RSL1D1: variants seen among roughly 807,000 people sequenced by gnomAD.
The protein encoded by RSL1D1 is ribosomal L1 domain-containing protein 1.
Under a neutral mutation model 44.6 loss-of-function variants are expected in RSL1D1, and 34 were observed. The ratio of observed to expected loss-of-function variants is 0.76; its 90% CI spans 0.58 to 1.02. The LOEUF is 1.02. Ranked by LOEUF, RSL1D1 falls within the 50% of genes least tolerant of loss-of-function variation. The probability of loss-of-function intolerance (pLI) is 0.00; values close to 1 mark genes in which losing one functional copy is unlikely to be tolerated. For synonymous variants in RSL1D1, 271 were observed against 207.4 expected (o/e 1.31, Z -2.63); for missense variants, 767 against 568.1 (o/e 1.35, Z -3.56).
At position 11,846,694 on chromosome 16, in the gene RSL1D1, C is replaced by T. The variant is rs1390166352; in HGVS notation, c.533+1G>A. 6.2e-7 allele frequency: 1 copy of T among 1,613,750 alleles called. No homozygotes were observed. On this transcript the variant is annotated splice_donor_variant, in intron 4 of 8. Transcript: ENST00000571133. LOFTEE classifies it high-confidence loss of function. ...AGTCCAGTCATTACTAAGAAACTTA[C>T]TTCTTTCTTTGATAGAAATGTCTCC... is the stretch of plus-strand genomic sequence containing the variant.
chr16:11,850,253 A>G (rs1423781309), intron 2 of RSL1D1, 26 bp downstream of exon 2: 7 of 1,556,952 alleles, frequency 4.5e-6, no homozygotes, highest in Non-Finnish European at 6.0e-6. Context: ...AGATAAAAAC[A>G]GCAAAGGTAG....
At chr16:11,844,380 T>C (rs1351399458) in intron 5 of RSL1D1, among the ~76,000 whole-genome samples, 6 of 152,238 alleles carry the variant, frequency 3.9e-5, no homozygotes, top group African/African-American at 1.4e-4. Flanking sequence ...CCTGCCTTCA[T>C]GGTACCATCT....
intron 7 of RSL1D1, among the ~76,000 whole-genome samples, chr16:11,840,532 C>T (rs1249872469): frequency 1.3e-5 from 2 of 152,168 alleles, no homozygotes; most frequent in Non-Finnish European, 2.9e-5. Context: ...CATGCCACTG[C>T]ACTTCAGCCT....
At position 11,836,947 on chromosome 16, in the gene RSL1D1, A is replaced by C. The variant is rs1323700822; in HGVS notation, c.*840T>G. 1 of 152,220 alleles carries C rather than the reference A, an allele frequency of 6.6e-6. No individual in the cohort carries two copies. Among genetic ancestry groups the C allele is most frequent in the Non-Finnish European group, 1.5e-5 (1 of 68,050 alleles). 9.4% of individuals were successfully genotyped at this position (152,220 alleles called of 1,614,324 possible). A position where few individuals can be genotyped will look rare whatever the true frequency, so the allele number is the denominator to read the frequency against. On this transcript the variant is annotated 3_prime_UTR_variant, in exon 9 of 9. Coordinates refer to ENST00000571133, the MANE Select transcript of RSL1D1 (RefSeq NM_015659.3). ...GTCAGACCCACTGATTTGGAAAGCCAACAGTATACTCAGAAGCAAAGCAAT... is the reference window on the plus strand; with the variant it reads ...GTCAGACCCACTGATTTGGAAAGCCCACAGTATACTCAGAAGCAAAGCAAT...
chr16:11,834,261 T>G lies in RSL1D1; in HGVS notation c.*3526A>C. The stretch of plus-strand genomic sequence containing the variant: ...TGGTATAAAAGCGATACATAATCAG[T>G]ACAAACCATATACATACCACCATTT... On this transcript the variant is annotated 3_prime_UTR_variant, in exon 9 of 9. Transcript: ENST00000571133. The G allele has an allele frequency of 6.6e-6, 1 of 152,352 alleles. No individual in the cohort carries two copies. Among genetic ancestry groups the G allele is most frequent in the Middle Eastern group, 3.4e-3 (1 of 294 alleles). 9.4% of individuals were successfully genotyped at this position (152,352 alleles called of 1,614,324 possible).
rs2053706822 is a variant in RSL1D1 at position 11,835,044 on chromosome 16, T to G, written c.*2743A>C. 1 of 152,214 alleles carries G rather than the reference T, an allele frequency of 6.6e-6. No homozygotes were observed. The highest frequency in any genetic ancestry group is 1.5e-5 in the Non-Finnish European group (1 of 68,118). 9.4% of individuals were successfully genotyped at this position (152,214 alleles called of 1,614,324 possible). A position where few individuals can be genotyped will look rare whatever the true frequency, so the allele number is the denominator to read the frequency against. On this transcript the variant is annotated 3_prime_UTR_variant, in exon 9 of 9. Transcript: ENST00000571133. Reference sequence around the variant, plus strand: ...GAAGATCGCCTTGAGCCCAGGAAATTGAGGCTGGAGCTGTGATGACACTAG... The same window carrying G: ...GAAGATCGCCTTGAGCCCAGGAAATGGAGGCTGGAGCTGTGATGACACTAG...
intron 3 of RSL1D1, 71 bp from the exon 4 acceptor site, chr16:11,846,914 C>G: frequency 7.5e-7 from 1 of 1,327,144 alleles, no homozygotes; most frequent in Non-Finnish European, 1.1e-6. Context: ...ACTTAGGCAA[C>G]AATTTGGATT....
At chr16:11,847,979 T>C (rs946737601) in intron 2 of RSL1D1, among the ~76,000 whole-genome samples, 173 bp from the exon 3 acceptor site, 20 of 152,264 alleles carry the variant, frequency 1.3e-4, no homozygotes, top group African/African-American at 4.8e-4. Flanking sequence ...TGGCCGGTAG[T>C]AGTGGCTCAA....
chr16:11,847,630 C>A (rs770906796), intron 3 of RSL1D1, 38 bp downstream of exon 3: 9 of 1,548,624 alleles, frequency 5.8e-6, no homozygotes, highest in African/African-American at 1.4e-5. Flanking sequence ...TGAATTAAAT[C>A]CTCTAAATAA....
chr16:11,838,318 C>A (rs1027624311), intron 8 of RSL1D1, among the ~76,000 whole-genome samples: 1 of 151,960 alleles, frequency 6.6e-6, no homozygotes, highest in East Asian at 1.9e-4. Flanking sequence ...TGTGCCACCA[C>A]GCCCGGCTCA....
chr16:11,848,513 A>G (rs559595409), intron 2 of RSL1D1, among the ~76,000 whole-genome samples: 6 of 152,312 alleles, frequency 3.9e-5, no homozygotes, highest in African/African-American at 1.4e-4. Flanking sequence ...CTCCATAAAC[A>G]TAATAACTCT....
chr16:11,845,211 T>C (rs1272589207), intron 5 of RSL1D1, among the ~76,000 whole-genome samples: 1 of 152,116 alleles, frequency 6.6e-6, no homozygotes, highest in Non-Finnish European at 1.5e-5. Flanking sequence ...TCAACACTTT[T>C]GGAGGCCAGG....
chr16:11,837,284 A>G lies in RSL1D1; in HGVS notation c.*503T>C, dbSNP rs1164066763. ...AGCACTCTATTTTTCCCTCTATTAC[A>G]TTAGCAAATACACAGAAGGACAATT... On this transcript the variant is annotated 3_prime_UTR_variant, in exon 9 of 9. Transcript: ENST00000571133. 2 of 152,716 alleles carry G rather than the reference A, an allele frequency of 1.3e-5. No individual in the cohort carries two copies. The highest frequency in any genetic ancestry group is 2.5e-5 in the African/African-American group (1 of 40,742). The allele number at this position is 152,716 out of a possible 1,614,324, so 9.5% of individuals were successfully genotyped here.
At chr16:11,841,576 C>A in intron 7 of RSL1D1, 119 bp downstream of exon 7, 1 of 914,804 alleles carries the variant, frequency 1.1e-6, no homozygotes. Flanking sequence ...AAAAGCACAA[C>A]CACCACAAAA....
intron 7 of RSL1D1, 117 bp downstream of exon 7, chr16:11,841,578 A>G: frequency 1.1e-6 from 1 of 935,838 alleles, no homozygotes; most frequent in Admixed American, 2.8e-5. Flanking sequence ...AAGCACAACC[A>G]CCACAAAACC....
Position 11,839,838 on chromosome 16 carries a change from A to G in RSL1D1, c.1003T>C (p.Ser335Pro), listed in dbSNP as rs1187025995. The G allele has an allele frequency of 1.2e-6, 2 of 1,613,900 alleles. No individual in the cohort carries two copies. The highest frequency in any genetic ancestry group is 2.2e-5 in the South Asian group (2 of 91,074). ...TGCTCTGGGGTCTGTTCCTTCTTTGATTCAGGTTTCTTCACTGTAGTATCA... is the reference window on the plus strand; with the variant it reads ...TGCTCTGGGGTCTGTTCCTTCTTTGGTTCAGGTTTCTTCACTGTAGTATCA... Reference protein sequence around the residue: ...SGDTTVKKPESKKEQTPEHGK... With the variant: ...SGDTTVKKPEPKKEQTPEHGK... The change falls in exon 8 of 9, where the codon TCA becomes CCA. Residue 335 changes from serine (S) to proline (P), a missense_variant. Coordinates refer to ENST00000571133, the MANE Select transcript of RSL1D1 (RefSeq NM_015659.3).
intron 7 of RSL1D1, among the ~76,000 whole-genome samples, chr16:11,841,006 T>G (rs2053760830): frequency 1.3e-5 from 2 of 152,230 alleles, no homozygotes; most frequent in Admixed American, 1.3e-4. Context: ...ATAGCTCACA[T>G]TTATTTCAAT....
intron 5 of RSL1D1, among the ~76,000 whole-genome samples, chr16:11,843,035 C>A (rs902624262): frequency 2.6e-5 from 4 of 151,518 alleles, no homozygotes; most frequent in African/African-American, 9.7e-5. Context: ...GATTCTCCTG[C>A]CTCAGCCTCC....
chr16:11,846,703 T>C lies in RSL1D1; in HGVS notation c.525A>G (p.Gln175=). Residue 175 remains glutamine (Q), a synonymous_variant, in exon 4 of 9, where the codon CAA becomes CAG. Coordinates refer to ENST00000571133, the MANE Select transcript of RSL1D1 (RefSeq NM_015659.3). ...LPSLIGRHFY[Q]RKKVPVSVNL... is the part of the protein sequence containing the mutation. ...ATTACTAAGAAACTTACTTCTTTCT[T>C]TGATAGAAATGTCTCCCAATGAGTG... 1 of 1,613,940 alleles carries C rather than the reference T, an allele frequency of 6.2e-7. No homozygotes were observed. Among genetic ancestry groups the C allele is most frequent in the Non-Finnish European group, 8.5e-7 (1 of 1,179,964 alleles).
Sources: allele counts gnomAD v4.1 joint callset (sites outside exome capture counted in the v4.1 genomes callset), GRCh38; gene constraint gnomAD v4.1.1; transcripts MANE v1.5; gene names NCBI Gene and HGNC (gene_info 2026-07-23, HGNC 2026-07-21).